ADGRF5: variants seen among roughly 807,000 people sequenced by gnomAD.
ADGRF5 encodes adhesion G protein-coupled receptor F5.
Under a neutral mutation model 132.3 loss-of-function variants are expected in ADGRF5, and 75 were observed. The observed-to-expected ratio is 0.57, with a 90% CI of 0.47 to 0.69. ADGRF5 has a LOEUF of 0.69. Among genes scored for constraint, ADGRF5 ranks in the 30% least tolerant of loss-of-function variants. ADGRF5 has a pLI of 0.00. For missense variants in ADGRF5, 1,516 were observed against 1,630.6 expected, an observed-to-expected ratio of 0.93 and a Z score of 1.21; for synonymous variants, 629 against 597.6, an observed-to-expected ratio of 1.05 and a Z score of -0.77.
At chr6:46,893,946 T>C (rs190139196) in intron 3 of ADGRF5, among the ~76,000 whole-genome samples, 2 of 152,352 alleles carry the variant, frequency 1.3e-5, no homozygotes, top group Admixed American at 6.5e-5. Flanking sequence ...TATTTAGGTC[T>C]TAATCACAGC....
At chr6:46,929,307 A>G (rs1777423022) in intron 1 of ADGRF5, among the ~76,000 whole-genome samples, 1 of 151,926 alleles carries the variant, frequency 6.6e-6, no homozygotes. Context: ...ACACATGGAC[A>G]CAGGAAGGGG....
intron 1 of ADGRF5, among the ~76,000 whole-genome samples, chr6:46,914,150 G>C (rs573165817): frequency 2.6e-4 from 39 of 152,166 alleles, no homozygotes; most frequent in Non-Finnish European, 5.0e-4. Flanking sequence ...GACTATCATT[G>C]CAAATTTTAC....
At position 46,859,411 on chromosome 6, in the gene ADGRF5, C is replaced by A; in HGVS notation, c.2492G>T (p.Arg831Ile). The change falls in exon 17 of 21, where the codon AGA becomes ATA. Residue 831 changes from arginine (R) to isoleucine (I), a missense_variant. Physicochemically the swap from Arg to Ile is moderately conservative, Grantham distance 97. Around this residue, in one of 2 missense-constraint regions of ADGRF5, gnomAD observed 571 missense variants for 701.2 expected, o/e 0.81. Transcript: ENST00000283296. ...QSSQLLHSVE[R>I]FSQALQSGDS... ...TCCCGACTGTAATGCTTGGGAAAAT[C>A]TTTCCACTGAATGTAGTAGCTGTGA... 6.2e-7 allele frequency: 1 copy of A among 1,613,442 alleles called. No homozygotes were observed. Among genetic ancestry groups the A allele is most frequent in the Non-Finnish European group, 8.5e-7 (1 of 1,179,400 alleles).
chr6:46,897,437 A>G (rs568309654), intron 3 of ADGRF5, among the ~76,000 whole-genome samples: 2 of 152,258 alleles, frequency 1.3e-5, no homozygotes, highest in African/African-American at 4.8e-5. Flanking sequence ...GGGAATAGCA[A>G]TCTGAAAATC....
intron 10 of ADGRF5, among the ~76,000 whole-genome samples, chr6:46,876,054 GC>G (rs1162010959): frequency 1.3e-5 from 2 of 152,192 alleles, no homozygotes; most frequent in African/African-American, 4.8e-5. Context: ...AGTTCCAAAT[GC>G]TTTGGGTAAA....
chr6:46,863,212 C>T (rs1033525515), intron 14 of ADGRF5, 116 bp from the exon 15 acceptor site: 9 of 836,332 alleles, frequency 1.1e-5, no homozygotes, highest in East Asian at 2.6e-5. Context: ...CTTTACTTTC[C>T]GTCACCTTTT....
Position 46,877,225 on chromosome 6 carries a change from CTCTTTCTTTCTT to C in ADGRF5, c.1240+965_1240+976del, listed in dbSNP as rs71536391. On this transcript the variant is annotated intron_variant, in intron 10 of 20. Coordinates refer to ENST00000283296, the MANE Select transcript of ADGRF5 (RefSeq NM_001098518.2). ...TTTGGTGAGTCCTAATTTATTTCCTCTCTTTCTTTCTTTCTTTCTTTCTTTCTTTCTTTCTTT... is the reference window on the plus strand; with the variant it reads ...TTTGGTGAGTCCTAATTTATTTCCTCTCTTTCTTTCTTTCTTTCTTTCTTT... Among the ~76,000 whole-genome samples the C allele has an allele frequency of 1.2e-3, 156 of 131,762 alleles. 1 individual carries two copies. The highest frequency in any genetic ancestry group is 3.1e-3 in the East Asian group (13 of 4,180). 86.4% of individuals were successfully genotyped at this position (131,762 alleles called of 152,430 possible).
intron 10 of ADGRF5, among the ~76,000 whole-genome samples, chr6:46,877,253 T>TTCTC (rs1771804154): frequency 2.9e-5 from 1 of 34,120 alleles, no homozygotes; most frequent in Admixed American, 2.2e-4. Flanking sequence ...CTTTCTTTCT[T>TTCTC]TCTTTCTTTC....
intron 1 of ADGRF5, among the ~76,000 whole-genome samples, chr6:46,946,661 G>T (rs1778314017): frequency 6.6e-6 from 1 of 152,166 alleles, no homozygotes; most frequent in African/African-American, 2.4e-5. Context: ...CTGAGCTCTG[G>T]AGGCAGGGAA....
Position 46,910,610 on chromosome 6 carries a change from G to A in ADGRF5, c.-24-3824C>T, listed in dbSNP as rs141458122. 1.9e-4 allele frequency among the ~76,000 whole-genome samples: 29 copies of A among 152,222 alleles called. No individual in the cohort carries two copies. In the East Asian group the frequency reaches 4.8e-3, roughly 25 times the overall value. ...ACTGAGGCCACACAGCTGATAGACGGTAGTGGCAAAATTATAAACAAAGCA... is the reference window on the plus strand; with the variant it reads ...ACTGAGGCCACACAGCTGATAGACGATAGTGGCAAAATTATAAACAAAGCA... On this transcript the variant is annotated intron_variant, in intron 1 of 20. Transcript: ENST00000283296.
rs562146075 is a variant in ADGRF5 at position 46,938,323 on chromosome 6, C to A, written c.-25+16411G>T. Among the ~76,000 whole-genome samples, 6 of 152,298 alleles carry A rather than the reference C, an allele frequency of 3.9e-5. No individual in the cohort carries two copies. In the East Asian group the frequency reaches 7.7e-4, roughly 20 times the overall value. ...AGCAAATCAGAGCTGAGTGTGGTAT[C>A]TTCCTCCCACACTCTTCTAACCCTT... On this transcript the variant is annotated intron_variant, in intron 1 of 20. Transcript: ENST00000265417.
At chr6:46,857,825 T>C (rs1769231098) in intron 17 of ADGRF5, among the ~76,000 whole-genome samples, 2 of 152,198 alleles carry the variant, frequency 1.3e-5, no homozygotes, top group South Asian at 2.1e-4. Flanking sequence ...TAGGAGATAA[T>C]AGACTACATC....
chr6:46,886,810 T>C (rs1383519305), intron 4 of ADGRF5: 2 of 152,182 alleles, frequency 1.3e-5, no homozygotes, highest in African/African-American at 2.4e-5. Context: ...CTCTTAGCTG[T>C]TCCCTGCTGG....
At chr6:46,915,259 G>T (rs1188731559) in intron 1 of ADGRF5, among the ~76,000 whole-genome samples, 1 of 150,308 alleles carries the variant, frequency 6.7e-6, no homozygotes, top group Non-Finnish European at 1.5e-5. Context: ...CCATGTGTTA[G>T]GTAAGCTCCA....
chr6:46,923,542 T>C (rs898103270), upstream of ADGRF5, among the ~76,000 whole-genome samples: 2 of 152,206 alleles, frequency 1.3e-5, no homozygotes, highest in East Asian at 1.9e-4. Flanking sequence ...ACACGTTAGA[T>C]TGGATACACC....
At chr6:46,929,445 A>T (rs1777437238) in intron 1 of ADGRF5, among the ~76,000 whole-genome samples, 1 of 151,836 alleles carries the variant, frequency 6.6e-6, no homozygotes, top group Non-Finnish European at 1.5e-5. Flanking sequence ...ATACATACAT[A>T]ACAAACCTGC....
At position 46,859,243 on chromosome 6, in the gene ADGRF5, T is replaced by C; in HGVS notation, c.2660A>G (p.Tyr887Cys). 5 of 1,614,134 alleles carry C rather than the reference T, an allele frequency of 3.1e-6. No homozygotes were observed. Among genetic ancestry groups the C allele is most frequent in the Non-Finnish European group, 4.2e-6 (5 of 1,180,020 alleles). ...CGAATCCGACTGCAAGTTTTCTAGATAGCTCTTGTCAATGACCACATTGCC... is the reference window on the plus strand; with the variant it reads ...CGAATCCGACTGCAAGTTTTCTAGACAGCTCTTGTCAATGACCACATTGCC... The part of the protein sequence containing the change: ...LWGNVVIDKS[Y>C]LENLQSDSSI... The change falls in exon 17 of 21, where the codon TAT becomes TGT. Residue 887 changes from tyrosine to cysteine, a missense_variant. This residue lies in a region of ADGRF5 where 571 missense variants were observed against 701.2 expected (regional missense o/e 0.81). Transcript: ENST00000283296.
chr6:46,883,839 T>C (rs1772760573), intron 5 of ADGRF5, among the ~76,000 whole-genome samples, 174 bp from the exon 6 acceptor site: 1 of 152,200 alleles, frequency 6.6e-6, no homozygotes, highest in Non-Finnish European at 1.5e-5. Context: ...CTTCCCAGGT[T>C]CAAGTGATGC....
At chr6:46,951,719 C>T (rs1778506454) in intron 1 of ADGRF5, among the ~76,000 whole-genome samples, 1 of 152,210 alleles carries the variant, frequency 6.6e-6, no homozygotes, top group South Asian at 2.1e-4. Flanking sequence ...CCTTTCCTCC[C>T]TCCTCATCTA....
Sources: gnomAD v4.1 joint callset for allele counts (sites outside exome capture counted in the v4.1 genomes callset) on GRCh38, gnomAD v4.1.1 for gene constraint, gnomAD v4.1.1 regional missense constraint, MANE v1.5 for transcripts, NCBI Gene and HGNC (gene_info 2026-07-23, HGNC 2026-07-21) for gene names.